ST18: variants seen among roughly 807,000 people sequenced by gnomAD.
The protein encoded by ST18 is suppression of tumorigenicity 18 protein.
Under a neutral mutation model 110.0 loss-of-function variants are expected in ST18, and 50 were observed. The ratio of observed to expected loss-of-function variants is 0.45; its 90% CI spans 0.36 to 0.58. The LOEUF (loss-of-function observed/expected upper bound fraction) is 0.58, where lower values mean the gene tolerates loss of function less well. ST18 is among the 20% of genes least tolerant of loss of function. The pLI is 0.00. For missense variants in ST18, 1,306 were observed against 1,280.1 expected, an observed-to-expected ratio of 1.02 and a Z score of -0.31; for synonymous variants, 461 against 452.4, an observed-to-expected ratio of 1.02 and a Z score of -0.24.
chr8:52,132,216 A>C, intron 21 of ST18, 37 bp from the exon 22 acceptor site: 1 of 1,553,322 alleles, frequency 6.4e-7, no homozygotes, highest in Non-Finnish European at 8.8e-7. Flanking sequence ...GCCAGGAAGA[A>C]GGCAGTGATA....
chr8:52,176,977 C>T (rs1411238052), intron 9 of ST18, among the ~76,000 whole-genome samples: 1 of 152,146 alleles, frequency 6.6e-6, no homozygotes, highest in Non-Finnish European at 1.5e-5. Context: ...TGGTTTATCC[C>T]TTATTTGCTA....
At chr8:52,378,190 T>C (rs1392787874) in intron 2 of ST18, among the ~76,000 whole-genome samples, 1 of 152,108 alleles carries the variant, frequency 6.6e-6, no homozygotes, top group African/African-American at 2.4e-5. Context: ...AGTAGCAAAG[T>C]AGGGTGACTA....
At chr8:52,158,860 G>A (rs756673829) in intron 15 of ST18, 38 bp downstream of exon 15, 1 of 1,610,848 alleles carries the variant, frequency 6.2e-7, no homozygotes, top group East Asian at 2.2e-5. Flanking sequence ...TCACAGTTCA[G>A]TCGCTGGCCC....
chr8:52,243,915 T>C (rs1456911662), intron 2 of ST18, among the ~76,000 whole-genome samples: 2 of 152,026 alleles, frequency 1.3e-5, no homozygotes, highest in Non-Finnish European at 2.9e-5. Context: ...GCTGTGCACG[T>C]GCATGTTTCC....
chr8:52,140,063 G>A (rs1029697738), intron 17 of ST18, among the ~76,000 whole-genome samples: 1 of 152,198 alleles, frequency 6.6e-6, no homozygotes, highest in Non-Finnish European at 1.5e-5. Flanking sequence ...CATCCAAAAA[G>A]TCCTAATCTA....
intron 7 of ST18, among the ~76,000 whole-genome samples, chr8:52,213,905 A>G (rs761344787): frequency 3.3e-5 from 5 of 152,228 alleles, no homozygotes; most frequent in Non-Finnish European, 5.9e-5. Context: ...GAAAGTTTCC[A>G]TGAAACATCC....
At chr8:52,187,230 G>A (rs570809775) in intron 8 of ST18, among the ~76,000 whole-genome samples, 4 of 152,290 alleles carry the variant, frequency 2.6e-5, no homozygotes, top group Admixed American at 6.5e-5. Flanking sequence ...CTTGCAATGT[G>A]CCAGGGAGTG....
Position 52,172,000 on chromosome 8 carries a change from T to C in ST18, c.861A>G (p.Ala287=). 6.2e-7 allele frequency: 1 copy of C among 1,614,254 alleles called. No individual in the cohort carries two copies. The highest frequency in any genetic ancestry group is 1.1e-5 in the South Asian group (1 of 91,082). The stretch of plus-strand genomic sequence containing the variant: ...GGTCACTACCCTCTTCCGTCATTAC[T>C]GCCAGGCTCTCGCTATCTTCCTCCT... The part of the protein sequence containing the change: ...DVEEEDSESL[A]VMTEEGSDLE... The change falls in exon 10 of 26, where the codon GCA becomes GCG. Residue 287 remains alanine (A), a synonymous_variant. Coordinates refer to ENST00000689386, the MANE Select transcript of ST18 (RefSeq NM_001352837.2).
chr8:52,262,570 C>T (rs1031309516), intron 2 of ST18, among the ~76,000 whole-genome samples: 10 of 152,200 alleles, frequency 6.6e-5, no homozygotes, highest in East Asian at 1.9e-4. Flanking sequence ...AAAACAAGAA[C>T]GCTTAAGACT....
intron 23 of ST18, among the ~76,000 whole-genome samples, chr8:52,122,781 C>T (rs887820086): frequency 2.6e-5 from 4 of 152,040 alleles, no homozygotes; most frequent in African/African-American, 4.8e-5. Flanking sequence ...CCACCGTGCC[C>T]GGCCGAACTT....
Position 52,283,659 on chromosome 8 carries a change from G to A in ST18, c.-464-53582C>T, listed in dbSNP as rs371720228. Among the ~76,000 whole-genome samples, 11 of 152,270 alleles carry A rather than the reference G, an allele frequency of 7.2e-5. 1 individual carries two copies. The highest frequency in any genetic ancestry group is 2.2e-4 in the African/African-American group (9 of 41,560). ...GATCGAGACTCAGCTGCTGGAAGTC[G>A]CGTGTTAAAGACACTGTTGGCTTTC... On this transcript the variant is annotated intron_variant, in intron 2 of 25. Transcript: ENST00000689386.
intron 25 of ST18, among the ~76,000 whole-genome samples, chr8:52,115,065 C>T (rs958140164): frequency 6.6e-6 from 1 of 151,996 alleles, no homozygotes; most frequent in African/African-American, 2.4e-5. Flanking sequence ...ATTTATTTTG[C>T]TTTGTGTTCA....
At chr8:52,201,501 C>T (rs1006602482) in intron 8 of ST18, 14 of 152,212 alleles carry the variant, frequency 9.2e-5, no homozygotes, top group African/African-American at 3.4e-4. Flanking sequence ...GGCAGGAGTC[C>T]CTAGAAGAAC....
rs111832429 is a variant in ST18 at position 52,244,598 on chromosome 8, C to G, written c.-464-14521G>C. Reference sequence around the variant, plus strand: ...TAACTTCCTCTACCATTAAAATAACCACAGCATCCACTCCTATCCCTGTTC... The same window carrying G: ...TAACTTCCTCTACCATTAAAATAACGACAGCATCCACTCCTATCCCTGTTC... On this transcript the variant is annotated intron_variant, in intron 2 of 25. Coordinates refer to ENST00000689386, the MANE Select transcript of ST18 (RefSeq NM_001352837.2). 3.7e-3 allele frequency among the ~76,000 whole-genome samples: 568 copies of G among 152,130 alleles called. 2 individuals are homozygous for G. The highest frequency in any genetic ancestry group is 0.013 in the African/African-American group (536 of 41,506).
rs563204925 is a variant in ST18, at chr8:52,269,646, T to C, written c.-464-39569A>G. Among the ~76,000 whole-genome samples the C allele has an allele frequency of 1.6e-3, 249 of 152,266 alleles. 2 individuals are homozygous for C. Among genetic ancestry groups the C allele is most frequent in the African/African-American group, 5.7e-3 (238 of 41,564 alleles). On this transcript the variant is annotated intron_variant, in intron 2 of 25. Coordinates refer to ENST00000689386, the MANE Select transcript of ST18 (RefSeq NM_001352837.2). ...CTCTGAGTGACTCTTCCATGTATAG[T>C]TTGAGTGCCAGGAGGAGAGTGACCC... is the stretch of plus-strand genomic sequence containing the variant.
At chr8:52,159,903 G>A (rs571402343) in intron 14 of ST18, among the ~76,000 whole-genome samples, 19 of 152,204 alleles carry the variant, frequency 1.2e-4, no homozygotes, top group Non-Finnish European at 2.4e-4. Flanking sequence ...CAGGTTACAG[G>A]AGAAACACTC....
At chr8:52,244,958 G>A (rs1477617834) in intron 2 of ST18, among the ~76,000 whole-genome samples, 5 of 152,160 alleles carry the variant, frequency 3.3e-5, no homozygotes, top group South Asian at 2.1e-4. Flanking sequence ...ATAATAGGTT[G>A]TATACTCTAA....
At chr8:52,181,792 C>A (rs555202841) in intron 8 of ST18, among the ~76,000 whole-genome samples, 1 of 152,014 alleles carries the variant, frequency 6.6e-6, no homozygotes, top group Non-Finnish European at 1.5e-5. Flanking sequence ...AAGTCCACAC[C>A]GTAGATTATG....
chr8:52,260,627 C>T (rs767354519), intron 2 of ST18, among the ~76,000 whole-genome samples: 4 of 152,194 alleles, frequency 2.6e-5, no homozygotes, highest in Non-Finnish European at 5.9e-5. Flanking sequence ...CAGCACTGGG[C>T]ACACACTGGG....
Sources: gnomAD v4.1 joint callset for allele counts (sites outside exome capture counted in the v4.1 genomes callset) on GRCh38, gnomAD v4.1.1 for gene constraint, MANE v1.5 for transcripts, NCBI Gene and HGNC (gene_info 2026-07-23, HGNC 2026-07-21) for gene names.